Variants in CTNNA3 observed in about 807,000 individuals in gnomAD.
The protein encoded by CTNNA3 is catenin alpha-3.
A neutral mutation model predicts 95.7 loss-of-function variants in CTNNA3; 76 were observed. The observed-to-expected ratio is 0.79, with a 90% CI of 0.66 to 0.96. The LOEUF (loss-of-function observed/expected upper bound fraction) is 0.96. Among genes scored for constraint, CTNNA3 ranks in the 40% least tolerant of loss-of-function variants. CTNNA3 has a pLI of 0.00. For missense variants in CTNNA3, 1,191 were observed against 1,089.8 expected, an observed-to-expected ratio of 1.09 and a Z score of -1.31; for synonymous variants, 431 against 374.4, an observed-to-expected ratio of 1.15 and a Z score of -1.74.
chr10:66,051,676 A>T (rs1279603888), intron 15 of CTNNA3, among the ~76,000 whole-genome samples: 1 of 152,210 alleles, frequency 6.6e-6, no homozygotes, highest in East Asian at 1.9e-4. Context: ...TGTTCAAAGG[A>T]CAAAATATTA....
chr10:66,242,406 T>C (rs915093937), intron 13 of CTNNA3, among the ~76,000 whole-genome samples: 1 of 152,064 alleles, frequency 6.6e-6, no homozygotes, highest in African/African-American at 2.4e-5. Flanking sequence ...CTGACACAGA[T>C]TGGAGACGAA....
intron 11 of CTNNA3, among the ~76,000 whole-genome samples, chr10:66,440,732 A>T (rs28664174): frequency 0.12 from 17,842 of 152,128 alleles, 1,519 homozygotes; most frequent in African/African-American, 0.24. Context: ...CCCTCATCTG[A>T]CTAGCTCTAC....
intron 10 of CTNNA3, among the ~76,000 whole-genome samples, chr10:66,589,943 A>G (rs1013713626): frequency 6.6e-6 from 1 of 152,118 alleles, no homozygotes; most frequent in African/African-American, 2.4e-5. Context: ...TTTTAACTAT[A>G]AAGTAGAAAA....
At chr10:65,992,948 T>G (rs1327199931) in intron 15 of CTNNA3, among the ~76,000 whole-genome samples, 1 of 152,094 alleles carries the variant, frequency 6.6e-6, no homozygotes, top group Non-Finnish European at 1.5e-5. Flanking sequence ...TTTTATTTTC[T>G]TTCTTTTTCA....
At chr10:66,167,660 G>A (rs12781366) in intron 13 of CTNNA3, among the ~76,000 whole-genome samples, 11,309 of 152,146 alleles carry the variant, frequency 0.074, 529 homozygotes, top group Admixed American at 0.12. Context: ...GTTAATCTAT[G>A]TCCTCTGAGA....
chr10:67,074,319 C>A (rs1290058414), intron 7 of CTNNA3, among the ~76,000 whole-genome samples: 1 of 148,116 alleles, frequency 6.8e-6, no homozygotes, highest in Non-Finnish European at 1.5e-5. Flanking sequence ...CATGAGCCAC[C>A]GTGCCCAGCT....
At chr10:66,332,108 T>A in intron 12 of CTNNA3, among the ~76,000 whole-genome samples, 1 of 152,186 alleles carries the variant, frequency 6.6e-6, no homozygotes, top group African/African-American at 2.4e-5. Context: ...ATCCTGAGAC[T>A]TTGCTGAAGT....
intron 11 of CTNNA3, among the ~76,000 whole-genome samples, chr10:66,444,962 T>A (rs962486003): frequency 6.6e-6 from 1 of 151,594 alleles, no homozygotes; most frequent in African/African-American, 2.4e-5. Context: ...GGGCTCAAAA[T>A]AAAAGGATGG....
chr10:66,063,632 C>G (rs143791988), intron 15 of CTNNA3, among the ~76,000 whole-genome samples: 2 of 151,824 alleles, frequency 1.3e-5, no homozygotes, highest in Non-Finnish European at 2.9e-5. Context: ...CTTACTAAAT[C>G]TAAATATTAG....
intron 4 of CTNNA3, among the ~76,000 whole-genome samples, chr10:67,529,612 T>G (rs1049026059): frequency 6.6e-6 from 1 of 151,210 alleles, no homozygotes; most frequent in African/African-American, 2.4e-5. Flanking sequence ...CTGCACATTG[T>G]GCACATGTAC....
chr10:67,543,076 C>G (rs1840732463), intron 3 of CTNNA3, among the ~76,000 whole-genome samples: 1 of 151,986 alleles, frequency 6.6e-6, no homozygotes, highest in South Asian at 2.1e-4. Flanking sequence ...AGAAATCCCA[C>G]TCTATACATA....
chr10:67,666,300 T>C (rs995507962), intron 1 of CTNNA3, among the ~76,000 whole-genome samples: 2 of 152,182 alleles, frequency 1.3e-5, no homozygotes, highest in African/African-American at 4.8e-5. Flanking sequence ...TATCTTGAAT[T>C]AATCTGAATT....
intron 14 of CTNNA3, among the ~76,000 whole-genome samples, chr10:66,101,822 C>T (rs1353724039): frequency 1.3e-5 from 2 of 152,092 alleles, no homozygotes; most frequent in Non-Finnish European, 2.9e-5. Context: ...AGATATTTTT[C>T]AGTGTATTTA....
intron 2 of CTNNA3, among the ~76,000 whole-genome samples, chr10:67,636,849 C>G (rs4266961): frequency 0.13 from 20,211 of 152,102 alleles, 2,417 homozygotes; most frequent in African/African-American, 0.32. Context: ...ACATCCACAC[C>G]AAAACCCCAT....
intron 13 of CTNNA3, among the ~76,000 whole-genome samples, chr10:66,220,479 G>A (rs532073280): frequency 1.5e-4 from 23 of 152,268 alleles, no homozygotes; most frequent in Admixed American, 1.2e-3. Context: ...GGGTACCTGC[G>A]ACCCCTGGAG....
chr10:66,758,078 C>T (rs1412169894), intron 9 of CTNNA3, among the ~76,000 whole-genome samples: 1 of 151,930 alleles, frequency 6.6e-6, no homozygotes, highest in Non-Finnish European at 1.5e-5. Context: ...CCTATAAAAG[C>T]CATAAAATAA....
intron 7 of CTNNA3, among the ~76,000 whole-genome samples, chr10:66,952,470 C>A (rs577989494): frequency 2.6e-5 from 4 of 152,068 alleles, no homozygotes. Flanking sequence ...TCAGGGTATG[C>A]CGTCTTGTTT....
chr10:66,494,171 G>A (rs1284816565), intron 11 of CTNNA3, among the ~76,000 whole-genome samples: 1 of 152,074 alleles, frequency 6.6e-6, no homozygotes, highest in Non-Finnish European at 1.5e-5. Flanking sequence ...ACCTCCCAAA[G>A]TGCTGGGATT....
intron 7 of CTNNA3, among the ~76,000 whole-genome samples, chr10:66,990,092 A>C (rs1346553269): frequency 6.6e-6 from 1 of 152,158 alleles, no homozygotes; most frequent in Non-Finnish European, 1.5e-5. Flanking sequence ...AGAAGTCTTC[A>C]TTTTCTTTAA....
Sources: allele counts gnomAD v4.1 joint callset (sites outside exome capture counted in the v4.1 genomes callset), GRCh38; gene constraint gnomAD v4.1.1; transcripts MANE v1.5; gene names NCBI Gene and HGNC (gene_info 2026-07-23, HGNC 2026-07-21).